Variants in PCDHA2 observed in about 807,000 individuals in gnomAD.
PCDHA2 encodes the protein protocadherin alpha 2, also known as protocadherin alpha-2.
A neutral mutation model predicts 66.0 loss-of-function variants in PCDHA2; 58 were observed. The ratio of observed to expected loss-of-function variants is 0.88; its 90% CI spans 0.71 to 1.09. PCDHA2 has a LOEUF of 1.09. PCDHA2 is among the 50% of genes least tolerant of loss of function. PCDHA2 has a pLI of 0.00. For missense variants in PCDHA2, 1,267 were observed against 1,242.3 expected, an observed-to-expected ratio of 1.02 and a Z score of -0.30; for synonymous variants, 634 against 554.0, an observed-to-expected ratio of 1.14 and a Z score of -2.03.
At chr5:140,847,826 A>C (rs914616937) in intron 1 of PCDHA2, 1 of 149,784 alleles carries the variant, frequency 6.7e-6, no homozygotes, top group Non-Finnish European at 1.5e-5. Context: ...TACTCAAGAA[A>C]ACTACCTCAG....
chr5:140,857,377 G>C (rs1347476888), intron 1 of PCDHA2: 3 of 1,598,472 alleles, frequency 1.9e-6, no homozygotes, highest in Non-Finnish European at 1.7e-6. Flanking sequence ...TGTCTGTGGA[G>C]GTGGCCGACG....
chr5:140,988,411 A>T (rs2097296392), intron 3 of PCDHA2, among the ~76,000 whole-genome samples: 1 of 152,144 alleles, frequency 6.6e-6, no homozygotes, highest in Non-Finnish European at 1.5e-5. Flanking sequence ...TTCGCAGCTT[A>T]TGTAAAGAAT....
At position 140,876,007 on chromosome 5, in the gene PCDHA2, G is replaced by A. The variant is rs1177191662; in HGVS notation, c.2388+78655G>A. 9 of 1,613,658 alleles carry A rather than the reference G, an allele frequency of 5.6e-6. No individual in the cohort carries two copies. Among genetic ancestry groups the A allele is most frequent in the Non-Finnish European group, 7.6e-6 (9 of 1,179,880 alleles). ...TGCGTTAAGTCTAAATGAGAATTTTGAGCTTAAAATAAAAACAAAAAAAGA... is the reference window on the plus strand; with the variant it reads ...TGCGTTAAGTCTAAATGAGAATTTTAAGCTTAAAATAAAAACAAAAAAAGA... On this transcript the variant is annotated intron_variant, in intron 1 of 3. Transcript: ENST00000526136.
At chr5:140,985,847 C>T (rs1178290779) in intron 3 of PCDHA2, among the ~76,000 whole-genome samples, 4 of 150,300 alleles carry the variant, frequency 2.7e-5, no homozygotes, top group African/African-American at 7.3e-5. Context: ...TCATGCCACT[C>T]TCCTGCCTCA....
chr5:140,884,484 T>TA, intron 1 of PCDHA2: 1 of 1,613,922 alleles, frequency 6.2e-7, no homozygotes, highest in Non-Finnish European at 8.5e-7. Flanking sequence ...AAGCCCACTC[T>TA]AGTGTGCTCC....
chr5:140,943,823 G>A (rs1431339857), intron 1 of PCDHA2, among the ~76,000 whole-genome samples: 3 of 152,206 alleles, frequency 2.0e-5, no homozygotes, highest in African/African-American at 7.2e-5. Flanking sequence ...AAGAAAATGA[G>A]TTGATTGAAG....
chr5:140,909,996 T>G (rs549464312), intron 1 of PCDHA2, among the ~76,000 whole-genome samples: 5 of 152,310 alleles, frequency 3.3e-5, no homozygotes, highest in African/African-American at 1.2e-4. Context: ...ACAGCATAAA[T>G]TGTTGTCAGT....
intron 1 of PCDHA2, chr5:140,966,387 C>G: frequency 2.5e-6 from 1 of 405,008 alleles, no homozygotes. Context: ...GGTTCGCTGT[C>G]CGCCACTTCG....
chr5:140,905,891 G>A (rs1486335678), intron 1 of PCDHA2, among the ~76,000 whole-genome samples: 2 of 152,162 alleles, frequency 1.3e-5, no homozygotes, highest in African/African-American at 4.8e-5. Context: ...TAGGCCATCT[G>A]CAAGCTGAGG....
intron 1 of PCDHA2, chr5:140,843,181 C>T (rs1463551741): frequency 1.3e-6 from 2 of 1,595,954 alleles, no homozygotes; most frequent in Non-Finnish European, 1.7e-6. Flanking sequence ...GCCCTCGCAT[C>T]CCGTTCCGCG....
chr5:140,999,693 AT>A (rs202183337), intron 3 of PCDHA2, among the ~76,000 whole-genome samples: 13 of 151,522 alleles, frequency 8.6e-5, no homozygotes, highest in African/African-American at 2.4e-4. Flanking sequence ...AAGAAATGTG[AT>A]TTTTTTTTAG....
At chr5:140,928,434 CTT>C (rs1554205890) in intron 1 of PCDHA2, 1 of 1,614,172 alleles carries the variant, frequency 6.2e-7, no homozygotes, top group South Asian at 1.1e-5. Flanking sequence ...CTTCCTTTGA[CTT>C]TGAGCAGCTC....
intron 1 of PCDHA2, chr5:140,858,360 G>T: frequency 6.3e-7 from 1 of 1,592,532 alleles, no homozygotes; most frequent in Non-Finnish European, 8.6e-7. Context: ...ATGGCCTTCA[G>T]CCCCAGCCTT....
In PCDHA2 at chr5:140,795,690, T is replaced by C. The variant is rs369994142; in HGVS notation, c.726T>C (p.Phe242=). The C allele has an allele frequency of 6.2e-7, 1 of 1,614,150 alleles. No homozygotes were observed. Among genetic ancestry groups the C allele is most frequent in the Non-Finnish European group, 8.5e-7 (1 of 1,180,006 alleles). ...VLDVNDNEPT[F]AQSVYKVKLL... ...ATGTAAATGACAATGAACCAACTTT[T>C]GCCCAATCAGTTTACAAAGTAAAAT... Residue 242 remains phenylalanine (F), a synonymous_variant, in exon 1 of 4, where the codon TTT becomes TTC. Coordinates refer to ENST00000526136, the MANE Select transcript of PCDHA2 (RefSeq NM_018905.3).
chr5:141,002,284 A>T (rs1334096097), intron 3 of PCDHA2, among the ~76,000 whole-genome samples: 1 of 152,180 alleles, frequency 6.6e-6, no homozygotes, highest in Non-Finnish European at 1.5e-5. Flanking sequence ...CAAAGGGATG[A>T]ATGGGGAGCA....
chr5:140,882,226 G>T, intron 1 of PCDHA2: 1 of 1,564,150 alleles, frequency 6.4e-7, no homozygotes, highest in Admixed American at 1.9e-5. Context: ...GAGGTAAGGC[G>T]TTGTATATAT....
rs1222255074 is a variant in PCDHA2 at position 141,012,119 on chromosome 5, A to G, written c.*2182A>G. ...CATTTTGCCCCACTGAAGCCCATGT[A>G]TCTGACCTTACGTGCCTTTTGAACT... On this transcript the variant is annotated 3_prime_UTR_variant, in exon 4 of 4. Coordinates refer to ENST00000526136, the MANE Select transcript of PCDHA2 (RefSeq NM_018905.3). 6.5e-6 allele frequency: 1 copy of G among 153,734 alleles called. No individual in the cohort carries two copies. Among genetic ancestry groups the G allele is most frequent in the African/African-American group, 2.4e-5 (1 of 41,454 alleles). 9.5% of individuals were successfully genotyped at this position (153,734 alleles called of 1,614,324 possible). A position where few individuals can be genotyped will look rare whatever the true frequency, so the allele number is the denominator to read the frequency against.
intron 1 of PCDHA2, chr5:140,857,545 C>A (rs782516369): frequency 6.3e-7 from 1 of 1,596,810 alleles, no homozygotes; most frequent in African/African-American, 1.3e-5. Flanking sequence ...GGCGGTTGGG[C>A]GAGCGCTCGC....
At chr5:141,000,833 G>A (rs1554257850) in intron 3 of PCDHA2, among the ~76,000 whole-genome samples, 2 of 151,930 alleles carry the variant, frequency 1.3e-5, no homozygotes, top group Non-Finnish European at 2.9e-5. Flanking sequence ...CTTGAGTCCA[G>A]GAGATCCAGT....
Sources: gnomAD v4.1 joint callset for allele counts (sites outside exome capture counted in the v4.1 genomes callset) on GRCh38, gnomAD v4.1.1 for gene constraint, MANE v1.5 for transcripts, NCBI Gene and HGNC (gene_info 2026-07-23, HGNC 2026-07-21) for gene names.